The following CLSTN2 variants were observed in gnomAD, a reference collection of about 807,000 sequenced individuals.
CLSTN2 encodes calsyntenin-2.
CLSTN2 carries 48 observed loss-of-function variants against 101.2 expected under a neutral mutation model. The ratio of observed to expected loss-of-function variants is 0.47; its 90% CI spans 0.38 to 0.60. The LOEUF (loss-of-function observed/expected upper bound fraction) is 0.60. Among genes scored for constraint, CLSTN2 ranks in the 20% least tolerant of loss-of-function variants. The probability of loss-of-function intolerance (pLI) is 0.00; values close to 1 mark genes in which losing one functional copy is unlikely to be tolerated. For synonymous variants in CLSTN2, 481 were observed against 463.6 expected (o/e 1.04, Z -0.48); for missense variants, 1,160 against 1,238.2 (o/e 0.94, Z 0.95).
intron 2 of CLSTN2, among the ~76,000 whole-genome samples, chr3:140,191,264 A>G (rs1275364129): frequency 6.6e-6 from 1 of 151,790 alleles, no homozygotes; most frequent in African/African-American, 2.4e-5. Flanking sequence ...ACTAAATCCT[A>G]CTCAATTGTG....
intron 2 of CLSTN2, among the ~76,000 whole-genome samples, chr3:140,330,660 C>T (rs770786552): frequency 6.6e-6 from 1 of 152,140 alleles, no homozygotes; most frequent in Non-Finnish European, 1.5e-5. Flanking sequence ...AAAGGTTCAC[C>T]ATATGGAAGG....
At chr3:140,271,297 G>A (rs2086739413) in intron 2 of CLSTN2, among the ~76,000 whole-genome samples, 1 of 152,126 alleles carries the variant, frequency 6.6e-6, no homozygotes. Flanking sequence ...ATTATTTGGT[G>A]TGCCTCTGTT....
chr3:140,023,899 G>C (rs374394652), intron 1 of CLSTN2, among the ~76,000 whole-genome samples: 1 of 152,300 alleles, frequency 6.6e-6, no homozygotes, highest in Admixed American at 6.5e-5. Flanking sequence ...ACCAGGCTAC[G>C]GGGCCAAACC....
intron 2 of CLSTN2, among the ~76,000 whole-genome samples, chr3:140,384,643 G>A (rs1446677697): frequency 6.6e-6 from 1 of 152,144 alleles, no homozygotes; most frequent in African/African-American, 2.4e-5. Flanking sequence ...CAGGAAGCAG[G>A]CCTCTGAACT....
intron 1 of CLSTN2, among the ~76,000 whole-genome samples, chr3:140,046,034 C>T (rs371457233): frequency 2.6e-5 from 4 of 152,108 alleles, no homozygotes; most frequent in East Asian, 1.9e-4. Context: ...CTATTAGGTC[C>T]GCTTGGTGCA....
chr3:140,527,610 A>G (rs1211801665), intron 8 of CLSTN2, among the ~76,000 whole-genome samples: 1 of 152,220 alleles, frequency 6.6e-6, no homozygotes, highest in African/African-American at 2.4e-5. Flanking sequence ...AAAAAGACAC[A>G]TGCATTTGTA....
intron 1 of CLSTN2, among the ~76,000 whole-genome samples, chr3:139,948,660 T>C (rs1050617395): frequency 2.6e-5 from 4 of 152,154 alleles, no homozygotes; most frequent in Non-Finnish European, 5.9e-5. Context: ...CCTCTGTCTT[T>C]AGTACAGTGC....
chr3:140,354,782 A>C (rs1194393037), intron 2 of CLSTN2, among the ~76,000 whole-genome samples: 1 of 152,214 alleles, frequency 6.6e-6, no homozygotes, highest in South Asian at 2.1e-4. Flanking sequence ...CAGACTCCAA[A>C]ACAGACTTTG....
chr3:139,979,366 C>T (rs1425195454), intron 1 of CLSTN2, among the ~76,000 whole-genome samples: 1 of 152,146 alleles, frequency 6.6e-6, no homozygotes, highest in Non-Finnish European at 1.5e-5. Context: ...TTAAATATTT[C>T]CTTGCTCATG....
At chr3:140,193,804 C>T (rs1190821394) in intron 2 of CLSTN2, among the ~76,000 whole-genome samples, 1 of 151,970 alleles carries the variant, frequency 6.6e-6, no homozygotes, top group African/African-American at 2.4e-5. Context: ...TCCATAGGTT[C>T]CTGAGGCTCT....
intron 2 of CLSTN2, among the ~76,000 whole-genome samples, chr3:140,177,874 G>C (rs2010348259): frequency 6.6e-6 from 1 of 152,090 alleles, no homozygotes; most frequent in African/African-American, 2.4e-5. Context: ...GAAATACACA[G>C]CTGAATAGTG....
At chr3:140,424,698 G>A (rs917446750) in intron 5 of CLSTN2, among the ~76,000 whole-genome samples, 4 of 152,222 alleles carry the variant, frequency 2.6e-5, no homozygotes, top group South Asian at 2.1e-4. Context: ...TGCCTTGGGG[G>A]AAAGGTTTGG....
chr3:140,497,796 T>C lies in CLSTN2; in HGVS notation c.1344+31065T>C, dbSNP rs148935052. 4.1e-3 allele frequency among the ~76,000 whole-genome samples: 620 copies of C among 152,326 alleles called. 5 individuals carry two copies. The highest frequency in any genetic ancestry group is 0.02 in the Middle Eastern group (6 of 294). ...TGCCAAGACTCCACACAGTTCTGTG[T>C]ATCAGACCCAAGACCCTGATGGCAT... On this transcript the variant is annotated intron_variant, in intron 8 of 16. Coordinates refer to ENST00000458420, the MANE Select transcript of CLSTN2 (RefSeq NM_022131.3).
At chr3:140,441,262 G>A (rs1031009499) in intron 5 of CLSTN2, among the ~76,000 whole-genome samples, 7 of 152,138 alleles carry the variant, frequency 4.6e-5, no homozygotes, top group African/African-American at 1.2e-4. Flanking sequence ...TTCCTCTCCC[G>A]TAAAGGAGGA....
intron 1 of CLSTN2, among the ~76,000 whole-genome samples, chr3:140,165,650 T>C (rs982962732): frequency 1.3e-5 from 2 of 152,024 alleles, no homozygotes; most frequent in East Asian, 1.9e-4. Context: ...CCTAGAGAGC[T>C]TGGGGCCTAG....
chr3:140,106,885 G>A (rs183407169), intron 1 of CLSTN2, among the ~76,000 whole-genome samples: 197 of 152,302 alleles, frequency 1.3e-3, no homozygotes, highest in Non-Finnish European at 2.1e-3. Flanking sequence ...TTTTGGCTAA[G>A]TCAAGTGTTA....
intron 1 of CLSTN2, among the ~76,000 whole-genome samples, chr3:140,090,495 C>T (rs1560091538): frequency 6.6e-6 from 1 of 151,992 alleles, no homozygotes; most frequent in Non-Finnish European, 1.5e-5. Context: ...TGAGAAAAAA[C>T]AAAGGTACTA....
chr3:140,555,266 A>G (rs1167155926), intron 10 of CLSTN2, among the ~76,000 whole-genome samples: 1 of 152,226 alleles, frequency 6.6e-6, no homozygotes, highest in African/African-American at 2.4e-5. Context: ...AGCAAGTAAC[A>G]TGACCTCTGC....
chr3:140,420,794 A>G (rs2088494707), intron 4 of CLSTN2, among the ~76,000 whole-genome samples: 1 of 152,238 alleles, frequency 6.6e-6, no homozygotes, highest in Admixed American at 6.5e-5. Context: ...TCAGGGACAC[A>G]ATCACACGGC....
Sources: allele counts gnomAD v4.1 joint callset (sites outside exome capture counted in the v4.1 genomes callset), GRCh38; gene constraint gnomAD v4.1.1; transcripts MANE v1.5; gene names NCBI Gene and HGNC (gene_info 2026-07-23, HGNC 2026-07-21).